Variants in NR3C1 observed in about 807,000 individuals in gnomAD.
NR3C1 encodes glucocorticoid receptor.
A neutral mutation model predicts 74.0 loss-of-function variants in NR3C1; 14 were observed. That is an observed-to-expected ratio of 0.19 (90% CI 0.12 to 0.30). The LOEUF is 0.30. NR3C1 is among the 10% of genes least tolerant of loss of function. The probability of loss-of-function intolerance (pLI) is 1.00; values close to 1 mark genes in which losing one functional copy is unlikely to be tolerated. For missense variants in NR3C1, 695 were observed against 909.8 expected, an observed-to-expected ratio of 0.76 and a Z score of 3.04; for synonymous variants, 308 against 332.5, an observed-to-expected ratio of 0.93 and a Z score of 0.80.
chr5:143,316,481 G>A (rs1038901627), intron 2 of NR3C1, among the ~76,000 whole-genome samples: 4 of 152,058 alleles, frequency 2.6e-5, no homozygotes, highest in Admixed American at 6.6e-5. Context: ...GTAGTACTTC[G>A]TAGTTTTAGC....
At chr5:143,427,628 A>G (rs1267225130) in intron 1 of NR3C1, among the ~76,000 whole-genome samples, 2 of 152,244 alleles carry the variant, frequency 1.3e-5, no homozygotes, top group Non-Finnish European at 2.9e-5. Flanking sequence ...AGATGGCTGC[A>G]TCAGGCCCCA....
At chr5:143,409,937 A>G (rs1253701439) in intron 1 of NR3C1, among the ~76,000 whole-genome samples, 5 of 152,170 alleles carry the variant, frequency 3.3e-5, no homozygotes, top group South Asian at 2.1e-4. Context: ...GAAATGCCCA[A>G]TGGGTGTCCT....
At chr5:143,365,819 T>C (rs555742462) in intron 2 of NR3C1, among the ~76,000 whole-genome samples, 8 of 152,236 alleles carry the variant, frequency 5.3e-5, no homozygotes, top group African/African-American at 1.7e-4. Context: ...CGGACCAGAA[T>C]GGAATGACAC....
At chr5:143,321,876 G>GA (rs1254272467) in intron 2 of NR3C1, among the ~76,000 whole-genome samples, 1 of 152,180 alleles carries the variant, frequency 6.6e-6, no homozygotes, top group Non-Finnish European at 1.5e-5. Context: ...GTTACCTTTT[G>GA]ATGTATATGT....
At chr5:143,329,156 A>C (rs994020425) in intron 2 of NR3C1, among the ~76,000 whole-genome samples, 2 of 152,332 alleles carry the variant, frequency 1.3e-5, no homozygotes, top group South Asian at 4.1e-4. Flanking sequence ...AGGCCTCAAG[A>C]AACATACAAT....
chr5:143,335,875 A>G (rs1057462658), intron 2 of NR3C1, among the ~76,000 whole-genome samples: 1 of 152,234 alleles, frequency 6.6e-6, no homozygotes, highest in East Asian at 1.9e-4. Context: ...GGGACTGGAA[A>G]GCCGATGGAC....
chr5:143,373,523 G>A (rs932469716), intron 2 of NR3C1, among the ~76,000 whole-genome samples: 8 of 152,172 alleles, frequency 5.3e-5, no homozygotes, highest in African/African-American at 1.7e-4. Flanking sequence ...ATGACGAGTT[G>A]ATGGGTGCAG....
intron 1 of NR3C1, among the ~76,000 whole-genome samples, chr5:143,412,270 G>C (rs1474431992): frequency 7.2e-6 from 1 of 138,894 alleles, no homozygotes; most frequent in Non-Finnish European, 1.6e-5. Context: ...GTGCAGGGGG[G>C]GAGGGGGGAG....
chr5:143,431,885 T>C (rs1468287047), intron 1 of NR3C1, among the ~76,000 whole-genome samples: 3 of 152,168 alleles, frequency 2.0e-5, no homozygotes, highest in Non-Finnish European at 2.9e-5. Context: ...CCTGGATGAG[T>C]GGACTATAAC....
At chr5:143,305,412 A>C (rs1290971883) in intron 4 of NR3C1, among the ~76,000 whole-genome samples, 1 of 152,188 alleles carries the variant, frequency 6.6e-6, no homozygotes, top group Non-Finnish European at 1.5e-5. Context: ...CCAAAGAAAA[A>C]TAAATCATTC....
chr5:143,386,563 G>A (rs1312780203), intron 2 of NR3C1, among the ~76,000 whole-genome samples: 1 of 152,120 alleles, frequency 6.6e-6, no homozygotes, highest in Non-Finnish European at 1.5e-5. Flanking sequence ...TCTCATATGT[G>A]TCTGTTTATG....
chr5:143,399,553 G>A, intron 2 of NR3C1, 103 bp downstream of exon 2: 3 of 930,896 alleles, frequency 3.2e-6, no homozygotes, highest in Non-Finnish European at 5.0e-6. Context: ...ATATAAAAAA[G>A]CACATGAATC....
At position 143,278,509 on chromosome 5, in the gene NR3C1, T is replaced by C. The variant is rs1471841522; in HGVS notation, c.*3380A>G. 6.6e-6 allele frequency: 1 copy of C among 152,106 alleles called. No individual in the cohort carries two copies. The highest frequency in any genetic ancestry group is 6.6e-5 in the Admixed American group (1 of 15,266). The allele number at this position is 152,106 out of a possible 1,614,324, so 9.4% of individuals were successfully genotyped here. ...GTTGCTTGAAAATAGTCTGGGAAAT[T>C]ACGAAACTCCACCCAAAGGGTTTAA... On this transcript the variant is annotated 3_prime_UTR_variant, in exon 9 of 9. Coordinates refer to ENST00000394464, the MANE Select transcript of NR3C1 (RefSeq NM_000176.3).
At chr5:143,333,010 C>T (rs1826326579) in intron 2 of NR3C1, 5 of 1,586,030 alleles carry the variant, frequency 3.2e-6, no homozygotes, top group South Asian at 2.2e-5. Context: ...ACAGACAACA[C>T]AGTGATTGAG....
intron 2 of NR3C1, among the ~76,000 whole-genome samples, chr5:143,381,601 G>A (rs1435832225): frequency 6.6e-6 from 1 of 151,892 alleles, no homozygotes; most frequent in Non-Finnish European, 1.5e-5. Context: ...CAGATACACA[G>A]ACCTAGAGAA....
intron 2 of NR3C1, among the ~76,000 whole-genome samples, chr5:143,391,575 T>C (rs1838221908): frequency 6.6e-6 from 1 of 152,118 alleles, no homozygotes; most frequent in African/African-American, 2.4e-5. Flanking sequence ...CATTTATTAA[T>C]AAAAATATAA....
Position 143,420,355 on chromosome 5 carries a change from T to C in NR3C1, c.-14+14177A>G, listed in dbSNP as rs1399425533. On this transcript the variant is annotated intron_variant, in intron 1 of 8. Coordinates refer to the NR3C1 transcript ENST00000343796. ...CCATGAAATCTTCACAATTTGTGTT[T>C]AGAGATTGCAGTGAAGACAGGCATA... is the stretch of plus-strand genomic sequence containing the variant. Among the ~76,000 whole-genome samples, 4 of 152,156 alleles carry C rather than the reference T, an allele frequency of 2.6e-5. No individual in the cohort carries two copies. In the East Asian group the frequency reaches 7.7e-4, roughly 29 times the overall value.
At chr5:143,311,477 A>G (rs191196849) in intron 3 of NR3C1, among the ~76,000 whole-genome samples, 11 of 152,344 alleles carry the variant, frequency 7.2e-5, no homozygotes, top group Admixed American at 4.6e-4. Context: ...ATGTACCTTC[A>G]TAAGTTAAAA....
chr5:143,306,496 G>A (rs1599810445), intron 4 of NR3C1, among the ~76,000 whole-genome samples: 1 of 152,136 alleles, frequency 6.6e-6, no homozygotes, highest in East Asian at 1.9e-4. Flanking sequence ...AAAAATGATA[G>A]TTTTACAGTG....
Sources: gnomAD v4.1 joint callset for allele counts (sites outside exome capture counted in the v4.1 genomes callset) on GRCh38, gnomAD v4.1.1 for gene constraint, MANE v1.5 for transcripts, NCBI Gene and HGNC (gene_info 2026-07-23, HGNC 2026-07-21) for gene names.